MGST1: variants seen among roughly 807,000 people sequenced by gnomAD.
MGST1 encodes microsomal glutathione S-transferase 1.
A neutral mutation model predicts 8.9 loss-of-function variants in MGST1; 5 were observed. That is an observed-to-expected ratio of 0.56 (90% CI 0.29 to 1.19). The LOEUF (loss-of-function observed/expected upper bound fraction) is 1.19. Ranked by LOEUF, MGST1 falls within the 50% of genes most tolerant of loss-of-function variation. MGST1 has a pLI of 0.08. For synonymous variants in MGST1, 54 were observed against 67.8 expected, an observed-to-expected ratio of 0.80 and a Z score of 1.00; for missense variants, 182 against 187.4, an observed-to-expected ratio of 0.97 and a Z score of 0.17.
rs1455430548 is a variant in MGST1, at chr12:16,582,878, T to C, written n.483-6650T>C. 1.3e-5 allele frequency among the ~76,000 whole-genome samples: 2 copies of C among 151,744 alleles called. No homozygotes were observed. Among genetic ancestry groups the C allele is most frequent in the Non-Finnish European group, 2.9e-5 (2 of 67,930 alleles). On this transcript the variant is annotated intron_variant and non_coding_transcript_variant, in intron 4 of 4. Coordinates refer to the MGST1 transcript ENST00000538857. This position sits in a 1 kb window ranked among gnomAD's most constrained non-coding sequence, Gnocchi z 4.1. Reference sequence around the variant, plus strand: ...GCCTGGCCAACATGGCGAAACCCCGTCTCTACTAAAATAAAAAAATTAGCC... The same window carrying C: ...GCCTGGCCAACATGGCGAAACCCCGCCTCTACTAAAATAAAAAAATTAGCC...
At chr12:16,581,424 G>A (rs1207937706) in intron 4 of MGST1, among the ~76,000 whole-genome samples, 2 of 152,106 alleles carry the variant, frequency 1.3e-5, no homozygotes, top group African/African-American at 4.8e-5. Context: ...ACAGCACTTA[G>A]CACATATATA....
intron 4 of MGST1, among the ~76,000 whole-genome samples, chr12:16,492,891 AAG>A (rs1359823310): frequency 6.6e-6 from 1 of 152,144 alleles, no homozygotes; most frequent in African/African-American, 2.4e-5. Flanking sequence ...GCTACTCTAA[AAG>A]AGAGAATTGA....
rs905261029 is a variant in MGST1, at chr12:16,586,052, A to G, written n.483-3476A>G. Among the ~76,000 whole-genome samples the G allele has an allele frequency of 6.6e-6, 1 of 152,158 alleles. No homozygotes were observed. The highest frequency in any genetic ancestry group is 1.5e-5 in the Non-Finnish European group (1 of 68,024). On this transcript the variant is annotated intron_variant and non_coding_transcript_variant, in intron 4 of 4. Transcript: ENST00000538857. The surrounding 1 kb of genome is among the most constrained non-coding windows in gnomAD (Gnocchi z 4.3). ...GTTAATGAAAATCTTCAACACAGGA[A>G]AACAGCAAAACCTTGATGTACAATT...
Position 16,513,044 on chromosome 12 carries a change from C to T in MGST1, n.483-76484C>T, listed in dbSNP as rs2137180973. 6.6e-6 allele frequency among the ~76,000 whole-genome samples: 1 copy of T among 152,232 alleles called. No homozygotes were observed. Among genetic ancestry groups the T allele is most frequent in the Admixed American group, 6.5e-5 (1 of 15,294 alleles). Reference sequence around the variant, plus strand: ...CTAATCTACTTTTCCTCCCAGTGTACAAATAAAGATTAAAATTCTGCATAT... The same window carrying T: ...CTAATCTACTTTTCCTCCCAGTGTATAAATAAAGATTAAAATTCTGCATAT... On this transcript the variant is annotated intron_variant and non_coding_transcript_variant, in intron 4 of 4. Transcript: ENST00000538857. The surrounding 1 kb of genome is among the most constrained non-coding windows in gnomAD (Gnocchi z 4.2).
chr12:16,500,807 A>G lies in MGST1; in HGVS notation n.483-88721A>G, dbSNP rs1205591085. Among the ~76,000 whole-genome samples, 1 of 152,204 alleles carries G rather than the reference A, an allele frequency of 6.6e-6. No homozygotes were observed. Among genetic ancestry groups the G allele is most frequent in the Admixed American group, 6.5e-5 (1 of 15,274 alleles). On this transcript the variant is annotated intron_variant and non_coding_transcript_variant, in intron 4 of 4. Transcript: ENST00000538857. The surrounding 1 kb of genome is among the most constrained non-coding windows in gnomAD (Gnocchi z 4.3). ...ATCTATTTATCGTTCTTTTTGTTCA[A>G]TGAAAATGTACTTAGAGGTTGGGCG...
rs972188608 is a variant in MGST1 at position 16,582,974 on chromosome 12, G to T, written n.483-6554G>T. On this transcript the variant is annotated intron_variant and non_coding_transcript_variant, in intron 4 of 4. Coordinates refer to the MGST1 transcript ENST00000538857. The surrounding 1 kb of genome is among the most constrained non-coding windows in gnomAD (Gnocchi z 4.1). The stretch of plus-strand genomic sequence containing the variant: ...ATGCAGGAAAATCTCTTGAAGCTGG[G>T]AGGCAGAGGTTGTAGTGAGCTGAGA... 6.7e-6 allele frequency among the ~76,000 whole-genome samples: 1 copy of T among 150,126 alleles called. No individual in the cohort carries two copies. Among genetic ancestry groups the T allele is most frequent in the African/African-American group, 2.4e-5 (1 of 40,846 alleles).
intron 4 of MGST1, among the ~76,000 whole-genome samples, chr12:16,588,413 C>T (rs1248877741): frequency 6.6e-6 from 1 of 151,760 alleles, no homozygotes; most frequent in East Asian, 1.9e-4. Context: ...ATAAAGAAAA[C>T]CTAAAACAAC....
rs755194490 is a variant in MGST1, at chr12:16,482,277, A to C, written n.482+98673A>C. On this transcript the variant is annotated intron_variant and non_coding_transcript_variant, in intron 4 of 4. Coordinates refer to the MGST1 transcript ENST00000538857. This position sits in a 1 kb window ranked among gnomAD's most constrained non-coding sequence, Gnocchi z 4.2. ...AGTAAAGATACTCAGAAATATGTGA[A>C]TACATTTAAAATAGATTTTTCTGTG... 2.0e-5 allele frequency among the ~76,000 whole-genome samples: 3 copies of C among 152,222 alleles called. No individual in the cohort carries two copies. The highest frequency in any genetic ancestry group is 4.4e-5 in the Non-Finnish European group (3 of 68,050).
chr12:16,573,442 T>C (rs973285714), intron 4 of MGST1: 104 of 152,222 alleles, frequency 6.8e-4, no homozygotes, highest in Middle Eastern at 3.2e-3. Context: ...TGCGTGTCTT[T>C]CTATGTGCTT....
intron 1 of MGST1, among the ~76,000 whole-genome samples, chr12:16,416,326 G>T (rs764098073): frequency 3.3e-5 from 5 of 152,160 alleles, no homozygotes; most frequent in African/African-American, 4.8e-5. Context: ...GTAAGGGTCA[G>T]ATTCAGCCTT....
At chr12:16,443,944 G>A (rs1381714497) in intron 4 of MGST1, among the ~76,000 whole-genome samples, 2 of 151,916 alleles carry the variant, frequency 1.3e-5, no homozygotes, top group African/African-American at 4.8e-5. Context: ...GGATCCAAAA[G>A]TTGTCAACTT....
chr12:16,386,653 C>T (rs903202569), intron 1 of MGST1, among the ~76,000 whole-genome samples: 4 of 152,188 alleles, frequency 2.6e-5, no homozygotes, highest in African/African-American at 7.2e-5. Flanking sequence ...ACCAGTATGC[C>T]GCTCACTGTG....
In MGST1 at chr12:16,482,322, T is replaced by TTGATC. The variant is rs1405794311; in HGVS notation, n.482+98722_482+98726dup. 1.3e-5 allele frequency among the ~76,000 whole-genome samples: 2 copies of TTGATC among 151,982 alleles called. No individual in the cohort carries two copies. The highest frequency in any genetic ancestry group is 6.6e-5 in the Admixed American group (1 of 15,258). On this transcript the variant is annotated intron_variant and non_coding_transcript_variant, in intron 4 of 4. Transcript: ENST00000538857. The surrounding 1 kb of genome is among the most constrained non-coding windows in gnomAD (Gnocchi z 4.2). ...TCTGTGAGAAAAAGAAAAGGAATGTTTGATCTGAAGTATAAAAAAAAGAGC... is the reference window on the plus strand; with the variant it reads ...TCTGTGAGAAAAAGAAAAGGAATGTTTGATCTGATCTGAAGTATAAAAAAAAGAGC...
At chr12:16,427,296 A>G (rs2137089520) in intron 1 of MGST1, among the ~76,000 whole-genome samples, 1 of 152,310 alleles carries the variant, frequency 6.6e-6, no homozygotes, top group South Asian at 2.1e-4. Flanking sequence ...GATGAAGGGC[A>G]GAGGGAAAGA....
chr12:16,396,903 C>A (rs1940610900), intron 1 of MGST1, among the ~76,000 whole-genome samples: 1 of 151,900 alleles, frequency 6.6e-6, no homozygotes, highest in Non-Finnish European at 1.5e-5. Flanking sequence ...ATCAAAATAC[C>A]ACCATTATTC....
intron 1 of MGST1, among the ~76,000 whole-genome samples, chr12:16,425,934 T>G (rs983504552): frequency 6.6e-6 from 1 of 152,226 alleles, no homozygotes; most frequent in East Asian, 1.9e-4. Context: ...AATATCACTT[T>G]CATTTGTTTT....
chr12:16,545,345 C>G (rs151041870), intron 4 of MGST1, among the ~76,000 whole-genome samples: 1 of 151,914 alleles, frequency 6.6e-6, no homozygotes, highest in Non-Finnish European at 1.5e-5. Context: ...TTTTATGCAC[C>G]GATGTCTCTC....
At chr12:16,490,203 C>T (rs1370579278) in intron 4 of MGST1, among the ~76,000 whole-genome samples, 1 of 152,092 alleles carries the variant, frequency 6.6e-6, no homozygotes, top group Non-Finnish European at 1.5e-5. Flanking sequence ...GTTGAGGCTG[C>T]AGTGAACTAG....
chr12:16,451,390 C>T (rs1941127785), intron 4 of MGST1, among the ~76,000 whole-genome samples: 2 of 151,782 alleles, frequency 1.3e-5, no homozygotes, highest in Non-Finnish European at 2.9e-5. Flanking sequence ...ATATTATACA[C>T]ACGCAAAGAT....
Sources: gnomAD v4.1 joint callset for allele counts (sites outside exome capture counted in the v4.1 genomes callset) on GRCh38, gnomAD v4.1.1 for gene constraint, Gnocchi (gnomAD v3.1) non-coding constraint, MANE v1.5 for transcripts, NCBI Gene and HGNC (gene_info 2026-07-23, HGNC 2026-07-21) for gene names.